The following PPP1R1C variants were observed in gnomAD, a reference collection of about 807,000 sequenced individuals.
PPP1R1C encodes protein phosphatase 1 regulatory inhibitor subunit 1C.
PPP1R1C carries 15 observed loss-of-function variants against 17.4 expected under a neutral mutation model. The ratio of observed to expected loss-of-function variants is 0.86; its 90% CI spans 0.58 to 1.33. The LOEUF (loss-of-function observed/expected upper bound fraction) is 1.33. PPP1R1C is among the 40% of genes most tolerant of loss of function. PPP1R1C has a pLI of 0.00. For missense variants in PPP1R1C, 143 were observed against 130.0 expected (o/e 1.10, Z -0.48); for synonymous variants, 35 against 43.1 (o/e 0.81, Z 0.73).
At chr2:182,091,466 G>A (rs959695508) in intron 4 of PPP1R1C, among the ~76,000 whole-genome samples, 2 of 145,372 alleles carry the variant, frequency 1.4e-5, no homozygotes, top group Non-Finnish European at 3.0e-5. Context: ...AAAGACAGCT[G>A]TTTTTCTTAA....
At chr2:182,024,620 G>A (rs1686535072) in intron 2 of PPP1R1C, among the ~76,000 whole-genome samples, 1 of 151,980 alleles carries the variant, frequency 6.6e-6, no homozygotes, top group Non-Finnish European at 1.5e-5. Context: ...ATCTTGGGAG[G>A]CCGAGGTGGG....
chr2:182,009,392 C>T (rs1686025326), intron 2 of PPP1R1C, among the ~76,000 whole-genome samples: 1 of 152,060 alleles, frequency 6.6e-6, no homozygotes, highest in African/African-American at 2.4e-5. Context: ...TGACTTTGAG[C>T]ACCTTTTCAT....
chr2:182,062,254 G>A (rs1687871852), intron 3 of PPP1R1C, among the ~76,000 whole-genome samples: 1 of 152,120 alleles, frequency 6.6e-6, no homozygotes, highest in Non-Finnish European at 1.5e-5. Context: ...TGAAAATTTT[G>A]TGAAACAGTA....
intron 2 of PPP1R1C, among the ~76,000 whole-genome samples, chr2:182,043,498 A>AT (rs1687247423): frequency 6.6e-6 from 1 of 152,102 alleles, no homozygotes; most frequent in Non-Finnish European, 1.5e-5. Flanking sequence ...TAAAGTATCT[A>AT]TTTTTTTCCA....
chr2:182,048,858 A>G (rs1687422980), intron 2 of PPP1R1C: 1 of 152,308 alleles, frequency 6.6e-6, no homozygotes, highest in Non-Finnish European at 1.5e-5. Flanking sequence ...GCCCCATCTC[A>G]TTTGATCTTG....
chr2:181,983,268 G>A (rs1685225702), upstream of PPP1R1C, among the ~76,000 whole-genome samples: 1 of 152,120 alleles, frequency 6.6e-6, no homozygotes, highest in Non-Finnish European at 1.5e-5. Flanking sequence ...GTTTGAAACT[G>A]GGCTTTGCCA....
In PPP1R1C at chr2:181,961,906, G is replaced by T. The variant is rs1574339881; in HGVS notation, n.111+7272G>T. The T allele has an allele frequency of 1.3e-6, 1 of 754,850 alleles. No individual in the cohort carries two copies. The highest frequency in any genetic ancestry group is 2.4e-6 in the Non-Finnish European group (1 of 414,790). The allele number at this position is 754,850 out of a possible 1,614,324, so 46.8% of individuals were successfully genotyped here. On this transcript the variant is annotated intron_variant and non_coding_transcript_variant, in intron 1 of 5. Transcript: ENST00000464264. This position sits in a 1 kb window ranked among gnomAD's most constrained non-coding sequence, Gnocchi z 5.8. ...CTCCAGTGGCAGCCAAGTGACATTG[G>T]TCATCAGTGACCTTGTGGAGCCCAT...
intron 1 of PPP1R1C, 91 bp from the exon 2 acceptor site, chr2:181,987,748 A>T (rs1443888959): frequency 3.1e-6 from 4 of 1,305,764 alleles, no homozygotes; most frequent in Non-Finnish European, 4.3e-6. Flanking sequence ...TGTGGGGAAA[A>T]GATGAGGGTG....
At chr2:182,059,929 G>A (rs906346668) in intron 2 of PPP1R1C, among the ~76,000 whole-genome samples, 6 of 151,994 alleles carry the variant, frequency 3.9e-5, no homozygotes, top group Non-Finnish European at 8.8e-5. Flanking sequence ...CTAATCAAAA[G>A]CAAAATATTA....
intron 4 of PPP1R1C, among the ~76,000 whole-genome samples, chr2:182,065,667 A>C (rs1353311898): frequency 1.3e-5 from 2 of 152,058 alleles, no homozygotes; most frequent in Non-Finnish European, 2.9e-5. Flanking sequence ...GCTATAGGGC[A>C]TTATGATTAT....
intron 2 of PPP1R1C, among the ~76,000 whole-genome samples, chr2:182,029,308 C>G (rs1196180): frequency 6.6e-6 from 1 of 151,868 alleles, no homozygotes; most frequent in Non-Finnish European, 1.5e-5. Context: ...TTCCTAGTCT[C>G]GATGGTCTTT....
chr2:182,006,738 G>A (rs1685935137), intron 2 of PPP1R1C, among the ~76,000 whole-genome samples: 1 of 152,138 alleles, frequency 6.6e-6, no homozygotes, highest in Admixed American at 6.5e-5. Flanking sequence ...ACACAACCCT[G>A]TACATGAACC....
intron 2 of PPP1R1C, among the ~76,000 whole-genome samples, chr2:182,002,881 G>A (rs185962567): frequency 8.5e-4 from 125 of 147,512 alleles, no homozygotes; most frequent in South Asian, 7.3e-3. Flanking sequence ...TCTCACCTTC[G>A]TCTTCCATAA....
intron 2 of PPP1R1C, among the ~76,000 whole-genome samples, chr2:182,048,302 C>T (rs961051474): frequency 1.3e-5 from 2 of 152,110 alleles, no homozygotes; most frequent in South Asian, 2.1e-4. Context: ...AGTGGCTTAA[C>T]GTGAAGCCCC....
intron 2 of PPP1R1C, among the ~76,000 whole-genome samples, chr2:182,047,174 A>T (rs1055879228): frequency 2.6e-5 from 4 of 152,118 alleles, no homozygotes; most frequent in African/African-American, 9.7e-5. Flanking sequence ...CTTGTAAGGA[A>T]ATTGGTCATA....
At chr2:182,044,901 A>C (rs983173870) in intron 2 of PPP1R1C, among the ~76,000 whole-genome samples, 5 of 152,144 alleles carry the variant, frequency 3.3e-5, no homozygotes, top group Non-Finnish European at 7.4e-5. Flanking sequence ...CTCTTTTATC[A>C]CCATTATGAG....
At chr2:181,994,029 A>G (rs1418494144) in intron 2 of PPP1R1C, among the ~76,000 whole-genome samples, 3 of 76,978 alleles carry the variant, frequency 3.9e-5, no homozygotes, top group Admixed American at 2.3e-4. Context: ...AAAAAAAAAG[A>G]TCTATAGTAC....
At chr2:181,998,864 A>T (rs1193910256) in intron 2 of PPP1R1C, among the ~76,000 whole-genome samples, 1 of 152,226 alleles carries the variant, frequency 6.6e-6, no homozygotes, top group Admixed American at 6.5e-5. Context: ...AATGGTTAAA[A>T]GGTTTTCAAG....
intron 2 of PPP1R1C, among the ~76,000 whole-genome samples, chr2:181,995,641 G>A (rs1685591888): frequency 6.6e-6 from 1 of 152,006 alleles, no homozygotes; most frequent in Non-Finnish European, 1.5e-5. Flanking sequence ...CTTTCTAATT[G>A]CTTCTAGTTG....
Sources: allele counts gnomAD v4.1 joint callset (sites outside exome capture counted in the v4.1 genomes callset), GRCh38; gene constraint gnomAD v4.1.1; non-coding constraint Gnocchi (gnomAD v3.1); transcripts MANE v1.5; gene names NCBI Gene and HGNC (gene_info 2026-07-23, HGNC 2026-07-21).